The following TIAM2 variants were observed in gnomAD, a reference collection of about 807,000 sequenced individuals.
The protein encoded by TIAM2 is TIAM Rac1 associated GEF 2, also known as rho guanine nucleotide exchange factor TIAM2.
Under a neutral mutation model 152.9 loss-of-function variants are expected in TIAM2, and 80 were observed. The observed-to-expected ratio is 0.52, with a 90% confidence interval of 0.44 to 0.63. The LOEUF is 0.63. TIAM2 is among the 30% of genes least tolerant of loss of function. TIAM2 has a pLI of 0.00. For missense variants in TIAM2, 1,965 were observed against 2,120.1 expected, an observed-to-expected ratio of 0.93 and a Z score of 1.44; for synonymous variants, 804 against 838.0, an observed-to-expected ratio of 0.96 and a Z score of 0.70.
At chr6:155,055,343 T>A (rs899640672) in intron 1 of TIAM2, among the ~76,000 whole-genome samples, 1 of 152,206 alleles carries the variant, frequency 6.6e-6, no homozygotes, top group Admixed American at 6.5e-5. Flanking sequence ...CAAAGAAAAC[T>A]AATAAGGACA....
At position 155,256,647 on chromosome 6, in the gene TIAM2, T is replaced by G; in HGVS notation, c.4632T>G (p.Thr1544=). 1 of 1,614,160 alleles carries G rather than the reference T, an allele frequency of 6.2e-7. No individual in the cohort carries two copies. Among genetic ancestry groups the G allele is most frequent in the Non-Finnish European group, 8.5e-7 (1 of 1,180,042 alleles). ...TAEGRQDSKS[T]SPGKYPHPGL... ...AGGGCAGGCAGGACTCCAAGAGCAC[T>G]TCTCCCGGGAAATACCCACACCCCG... Residue 1544 remains threonine (T), a synonymous_variant, in exon 27 of 27, where the codon ACT becomes ACG. Coordinates refer to ENST00000682666, the MANE Select transcript of TIAM2 (RefSeq NM_012454.4).
At chr6:155,188,254 A>G (rs9397787) in intron 14 of TIAM2, among the ~76,000 whole-genome samples, 57,834 of 151,980 alleles carry the variant, frequency 0.38, 11,520 homozygotes, top group East Asian at 0.52. Context: ...GGAAGACACC[A>G]TGTTCCATTT....
At chr6:155,206,153 C>T (rs1427388152) in intron 14 of TIAM2, among the ~76,000 whole-genome samples, 1 of 152,204 alleles carries the variant, frequency 6.6e-6, no homozygotes, top group Non-Finnish European at 1.5e-5. Flanking sequence ...ATGTGTTCCC[C>T]AGTTGTCTGT....
chr6:155,188,947 A>AG (rs1428482920), intron 14 of TIAM2, among the ~76,000 whole-genome samples: 1 of 151,762 alleles, frequency 6.6e-6, no homozygotes, highest in African/African-American at 2.4e-5. Context: ...CAGATGATGA[A>AG]GGTAATTGCA....
rs531251046 is a variant in TIAM2, at chr6:155,246,995, A to T, written c.3653-1005A>T. On this transcript the variant is annotated intron_variant, in intron 19 of 26. Transcript: ENST00000682666. ...CCAAACCAAATGCACCTGGATTCCTACACACACCCTTCATGGCACTCAGAC... is the reference window on the plus strand; with the variant it reads ...CCAAACCAAATGCACCTGGATTCCTTCACACACCCTTCATGGCACTCAGAC... Among the ~76,000 whole-genome samples, 20 of 152,338 alleles carry T rather than the reference A, an allele frequency of 1.3e-4. No homozygotes were observed. The East Asian group carries it at 3.7e-3, about 28-fold the overall frequency.
chr6:155,036,584 ATTT>A (rs1776926896), intron 1 of TIAM2, among the ~76,000 whole-genome samples: 1 of 9,616 alleles, frequency 1.0e-4, no homozygotes, highest in Non-Finnish European at 3.1e-4. Context: ...TGGAGAAATT[ATTT>A]ATTTATTTAT....
intron 7 of TIAM2, among the ~76,000 whole-genome samples, chr6:155,157,860 C>T (rs2115085558): frequency 6.6e-6 from 1 of 152,212 alleles, no homozygotes; most frequent in Non-Finnish European, 1.5e-5. Context: ...GTTTTTATAA[C>T]TTGGATTTTT....
intron 1 of TIAM2, among the ~76,000 whole-genome samples, chr6:155,047,703 GA>G (rs1165215313): frequency 2.9e-4 from 7 of 23,854 alleles, no homozygotes; most frequent in African/African-American, 1.2e-3. Context: ...GAGAGAGAGA[GA>G]GCGAGAGAGA....
intron 4 of TIAM2, among the ~76,000 whole-genome samples, chr6:155,136,440 A>G (rs1184138476): frequency 6.6e-6 from 1 of 151,440 alleles, no homozygotes; most frequent in African/African-American, 2.4e-5. Flanking sequence ...AGGCCTGGCT[A>G]ATTTTTGTAT....
intron 2 of TIAM2, among the ~76,000 whole-genome samples, chr6:155,092,501 G>T (rs571659783): frequency 6.7e-4 from 102 of 152,032 alleles, no homozygotes; most frequent in Non-Finnish European, 6.9e-4. Flanking sequence ...GAGTATAGGG[G>T]TTATATAAAT....
At chr6:155,126,850 G>T (rs1779308584) in intron 2 of TIAM2, among the ~76,000 whole-genome samples, 1 of 150,434 alleles carries the variant, frequency 6.6e-6, no homozygotes, top group African/African-American at 2.5e-5. Context: ...CACTATTAAG[G>T]CCTCACCCCT....
chr6:155,056,444 T>C (rs1777454753), intron 1 of TIAM2, among the ~76,000 whole-genome samples: 2 of 152,148 alleles, frequency 1.3e-5, no homozygotes, highest in African/African-American at 4.8e-5. Context: ...AGTGCTGGGA[T>C]TACAGGCGTG....
intron 21 of TIAM2, chr6:155,250,707 C>T: frequency 1.5e-6 from 2 of 1,296,986 alleles, no homozygotes; most frequent in Non-Finnish European, 2.1e-6. Flanking sequence ...AATGCCTTCA[C>T]CTTTATGTTA....
intron 14 of TIAM2, among the ~76,000 whole-genome samples, chr6:155,198,617 G>A (rs904443523): frequency 4.7e-5 from 6 of 128,164 alleles, no homozygotes; most frequent in Admixed American, 3.0e-4. Context: ...AGCCGAGATC[G>A]TGCCACTGCA....
chr6:155,241,500 T>A (rs1014993288), intron 16 of TIAM2, among the ~76,000 whole-genome samples: 3 of 152,062 alleles, frequency 2.0e-5, no homozygotes, highest in Non-Finnish European at 4.4e-5. Context: ...AGACACTCGG[T>A]CCCCCTTCTC....
At chr6:155,061,499 ATCT>A (rs1777578597) in intron 1 of TIAM2, among the ~76,000 whole-genome samples, 1 of 152,018 alleles carries the variant, frequency 6.6e-6, no homozygotes, top group Non-Finnish European at 1.5e-5. Flanking sequence ...GACAGTGAAA[ATCT>A]TGAGTCGCGT....
chr6:155,222,063 T>C (rs1199318669), intron 15 of TIAM2, among the ~76,000 whole-genome samples: 1 of 151,902 alleles, frequency 6.6e-6, no homozygotes, highest in Non-Finnish European at 1.5e-5. Context: ...AAGCAATTCT[T>C]ATGCCTCAGC....
chr6:155,256,690 G>T lies in TIAM2; in HGVS notation c.4675G>T (p.Asp1559Tyr), dbSNP rs1362629822. The T allele has an allele frequency of 6.2e-7, 1 of 1,614,180 alleles. No individual in the cohort carries two copies. Residue 1559 changes from aspartate to tyrosine, a missense_variant, in exon 27 of 27, where the codon GAC becomes TAC. Physicochemically the swap from Asp to Tyr is radical, Grantham distance 160. Transcript: ENST00000682666. ...ACACCCCGGCTTGGCAGATTTTGCCGACAATCTCATCAAAGAGAGTGACAT... is the reference window on the plus strand; with the variant it reads ...ACACCCCGGCTTGGCAGATTTTGCCTACAATCTCATCAAAGAGAGTGACAT... ...YPHPGLADFADNLIKESDILS... is the reference protein window; with the variant it reads ...YPHPGLADFAYNLIKESDILS...
chr6:155,130,489 A>G, intron 4 of TIAM2, 72 bp downstream of exon 4: 1 of 1,413,506 alleles, frequency 7.1e-7, no homozygotes. Context: ...GGTTAGTAGA[A>G]GCCACCATAG....
Sources: gnomAD v4.1 joint callset for allele counts (sites outside exome capture counted in the v4.1 genomes callset) on GRCh38, gnomAD v4.1.1 for gene constraint, MANE v1.5 for transcripts, NCBI Gene and HGNC (gene_info 2026-07-23, HGNC 2026-07-21) for gene names.